Variants in PALM3 observed in about 807,000 individuals in gnomAD.
PALM3 encodes paralemmin-3.
PALM3 carries 20 observed loss-of-function variants against 27.9 expected under a neutral mutation model. The ratio of observed to expected loss-of-function variants is 0.72; its 90% confidence interval spans 0.50 to 1.04. PALM3 has a LOEUF of 1.04. Ranked by LOEUF, PALM3 falls within the 50% of genes least tolerant of loss-of-function variation. The pLI is 0.00. For missense variants in PALM3, 814 were observed against 869.4 expected, an observed-to-expected ratio of 0.94 and a Z score of 0.80; for synonymous variants, 328 against 352.7, an observed-to-expected ratio of 0.93 and a Z score of 0.79.
chr19:14,057,477 C>T (rs1176597490), intron 2 of PALM3, 46 bp from the exon 3 acceptor site: 1 of 1,440,322 alleles, frequency 6.9e-7, no homozygotes, highest in South Asian at 1.3e-5. Context: ...GGCGCGGCCT[C>T]CACCACCTCC....
intron 4 of PALM3, 66 bp from the exon 5 acceptor site, chr19:14,056,579 A>G (rs1026497529): frequency 1.3e-6 from 2 of 1,550,242 alleles, no homozygotes; most frequent in East Asian, 2.4e-5. Context: ...GACTCAAGCG[A>G]CCACCTCCTT....
intron 4 of PALM3, 38 bp downstream of exon 4, chr19:14,056,624 G>A (rs556972391): frequency 1.3e-6 from 2 of 1,551,714 alleles, no homozygotes; most frequent in South Asian, 2.4e-5. Context: ...CACCCAGCTG[G>A]GGCAGGGTTC....
intron 3 of PALM3, 68 bp downstream of exon 3, chr19:14,057,283 A>C: frequency 1.3e-4 from 131 of 972,590 alleles, no homozygotes; most frequent in Non-Finnish European, 1.6e-4. Context: ...TCGTCCCCCA[A>C]ACCGACTTGC....
In PALM3 at chr19:14,053,418, A is replaced by C. The variant is rs1976218725; in HGVS notation, c.*187T>G. 2 of 536,272 alleles carry C rather than the reference A, an allele frequency of 3.7e-6. No homozygotes were observed. The highest frequency in any genetic ancestry group is 6.1e-6 in the Non-Finnish European group (2 of 325,492). 33.2% of individuals were successfully genotyped at this position (536,272 alleles called of 1,614,324 possible). A position where few individuals can be genotyped will look rare whatever the true frequency, so the allele number is the denominator to read the frequency against. ...AGTATAAAGGCTTCATCGCAGAAGG[A>C]GGCCAGGGTTACAGGCAGTGGGCAA... On this transcript the variant is annotated 3_prime_UTR_variant, in exon 7 of 7. Transcript: ENST00000669674.
chr19:14,053,509 C>G lies in PALM3; in HGVS notation c.*96G>C. 1 of 1,371,220 alleles carries G rather than the reference C, an allele frequency of 7.3e-7. No homozygotes were observed. Among genetic ancestry groups the G allele is most frequent in the Non-Finnish European group, 9.6e-7 (1 of 1,046,088 alleles). The allele number at this position is 1,371,220 out of a possible 1,614,324, so 84.9% of individuals were successfully genotyped here. On this transcript the variant is annotated 3_prime_UTR_variant, in exon 7 of 7. Coordinates refer to ENST00000669674, the MANE Select transcript of PALM3 (RefSeq NM_001145028.2). Reference sequence around the variant, plus strand: ...CTGGCTCCCAGGTGCCATGGCCAGTCCTGTGGTCCCTGTCTGTGCCTGGGA... The same window carrying G: ...CTGGCTCCCAGGTGCCATGGCCAGTGCTGTGGTCCCTGTCTGTGCCTGGGA...
chr19:14,056,353 C>T, intron 5 of PALM3, 76 bp downstream of exon 5: 1 of 1,400,568 alleles, frequency 7.1e-7, no homozygotes. Flanking sequence ...GAGAAAGCTG[C>T]ATTCCTGATT....
chr19:14,054,493 C>T lies in PALM3; in HGVS notation c.1179G>A (p.Gly393=). 1 of 1,551,240 alleles carries T rather than the reference C, an allele frequency of 6.4e-7. No individual in the cohort carries two copies. Residue 393 remains glycine, a synonymous_variant, in exon 7 of 7, where the codon GGG becomes GGA. Coordinates refer to ENST00000669674, the MANE Select transcript of PALM3 (RefSeq NM_001145028.2). ...CTCCTCCCGTCTTGGCCCCCTCGGC[C>T]CCCAGCGGGCTTTCATCTCCTCTCT... is the stretch of plus-strand genomic sequence containing the variant. The part of the protein sequence containing the change: ...GRERGDESPL[G]AEGAKTGGGE...
In PALM3 at chr19:14,053,962, C is replaced by A. The variant is rs936356278; in HGVS notation, c.1710G>T (p.Met570Ile). 1.2e-5 allele frequency: 18 copies of A among 1,551,584 alleles called. No individual in the cohort carries two copies. The Admixed American group carries it at 3.3e-4, about 29-fold the overall frequency. Residue 570 changes from methionine to isoleucine, a missense_variant, in exon 7 of 7, where the codon ATG (methionine) becomes ATT (isoleucine). Transcript: ENST00000669674. ...CCTCAAGGGGAGGCCCTGCCTCATT[C>A]ATCTCCTCTGCCTGGGATTCACTTC... ...REGSESQAEE[M>I]NEAGPPLEAN...
chr19:14,059,815 C>G (rs2145707047), intron 1 of PALM3, among the ~76,000 whole-genome samples: 1 of 152,166 alleles, frequency 6.6e-6, no homozygotes, highest in Admixed American at 6.5e-5. Context: ...TCCCTGGGGA[C>G]AAGGATCACT....
In PALM3 at chr19:14,053,459, A is replaced by T; in HGVS notation, c.*146T>A. ...CAGTGGGCAAGGGGTCTGGAAGCCC[A>T]GGTTTAGGTGGACGTGCAGGCTAGC... On this transcript the variant is annotated 3_prime_UTR_variant, in exon 7 of 7. Transcript: ENST00000669674. The T allele has an allele frequency of 1.1e-6, 1 of 905,298 alleles. No homozygotes were observed. Among genetic ancestry groups the T allele is most frequent in the Non-Finnish European group, 1.6e-6 (1 of 644,772 alleles). 56.1% of individuals were successfully genotyped at this position (905,298 alleles called of 1,614,324 possible).
Position 14,055,438 on chromosome 19 carries a change from C to T in PALM3, c.400-13G>A, listed in dbSNP as rs367945689. ...GAGGACGGTGACCCTGCAGAGATGG[C>T]GGAGACAAGGTCAGGCTGGCCCTCA... On this transcript the variant is annotated splice_polypyrimidine_tract_variant and intron_variant, in intron 5 of 6. Coordinates refer to ENST00000669674, the MANE Select transcript of PALM3 (RefSeq NM_001145028.2). 57 of 1,551,290 alleles carry T rather than the reference C, an allele frequency of 3.7e-5. No individual in the cohort carries two copies. Among genetic ancestry groups the T allele is most frequent in the East Asian group, 2.9e-4 (12 of 40,906 alleles).
intron 3 of PALM3, 197 bp from the exon 4 acceptor site, chr19:14,057,001 C>G (rs1976317530): frequency 4.8e-6 from 3 of 629,492 alleles, no homozygotes; most frequent in Non-Finnish European, 8.1e-6. Flanking sequence ...CCAAACCCTT[C>G]CAAAATGAAA....
rs1233198789 is a variant in PALM3, at chr19:14,057,380, C to T, written c.142G>A (p.Glu48Lys). Residue 48 changes from glutamate (E) to lysine (K), a missense_variant, in exon 3 of 7, where the codon GAG (glutamate) becomes AAG (lysine). By Grantham distance (56) the Glu-to-Lys change is moderately conservative (BLOSUM62 1). Transcript: ENST00000669674. ...AGACGCTCCACGCGGAGTTTCTCCT[C>T]CTCCACCTCCCGGCGCGCGGCGCGG... is the stretch of plus-strand genomic sequence containing the variant. ...EIRAARREVEEEKLRVERLKR... is the reference protein window; with the variant it reads ...EIRAARREVEKEKLRVERLKR... 4 of 1,545,482 alleles carry T rather than the reference C, an allele frequency of 2.6e-6. No individual in the cohort carries two copies. Among genetic ancestry groups the T allele is most frequent in the South Asian group, 1.2e-5 (1 of 83,892 alleles).
chr19:14,054,279 C>T lies in PALM3; in HGVS notation c.1393G>A (p.Gly465Ser), dbSNP rs1183606169. The change falls in exon 7 of 7, where the codon GGT becomes AGT. Residue 465 changes from glycine to serine, a missense_variant. Transcript: ENST00000669674. ...AEKLGTEREG[G>S]EEPLGIERKV... ...CTCTCTATGCCCAGTGGTTCCTCAC[C>T]TCCTTCCCTCTCTGTTCCCAGCTTT... 2 of 1,552,210 alleles carry T rather than the reference C, an allele frequency of 1.3e-6. No individual in the cohort carries two copies. The highest frequency in any genetic ancestry group is 1.2e-5 in the South Asian group (1 of 84,060).
At chr19:14,057,306 C>G (rs373303146) in intron 3 of PALM3, 45 bp downstream of exon 3, 3 of 1,455,982 alleles carry the variant, frequency 2.1e-6, no homozygotes, top group African/African-American at 1.4e-5. Context: ...AGACACCCCC[C>G]ACTCCATTCC....
chr19:14,056,745 G>C lies in PALM3; in HGVS notation c.231C>G (p.Ser77=). ...MDGAAAVPEP[S]EDPTSKDPQS... ...GGGGGTCCTTCGAGGTGGGGTCTTC[G>C]GATGGCTCTGGCACTGCAGCTGCCC... is the stretch of plus-strand genomic sequence containing the variant. The change falls in exon 4 of 7, where the codon TCC becomes TCG. Residue 77 remains serine, a synonymous_variant. Coordinates refer to ENST00000669674, the MANE Select transcript of PALM3 (RefSeq NM_001145028.2). 6.4e-7 allele frequency: 1 copy of C among 1,551,624 alleles called. No individual in the cohort carries two copies. The highest frequency in any genetic ancestry group is 8.7e-7 in the Non-Finnish European group (1 of 1,146,950).
rs1976228939 is a variant in PALM3 at position 14,053,714 on chromosome 19, G to C, written c.1958C>G (p.Pro653Arg). ...EGPSANPSAH[P>R]VPTYAPARQP... ...CCGGGCAGGCGCGTAGGTGGGCACAGGGTGGGCACTGGGGTTGGCGCTGGG... is the reference window on the plus strand; with the variant it reads ...CCGGGCAGGCGCGTAGGTGGGCACACGGTGGGCACTGGGGTTGGCGCTGGG... Residue 653 changes from proline to arginine, a missense_variant, in exon 7 of 7, where the codon CCT becomes CGT. Pro to Arg is a moderately radical substitution (Grantham distance 103). Coordinates refer to ENST00000669674, the MANE Select transcript of PALM3 (RefSeq NM_001145028.2). The C allele has an allele frequency of 7.9e-6, 12 of 1,518,236 alleles. No individual in the cohort carries two copies. Among genetic ancestry groups the C allele is most frequent in the Non-Finnish European group, 1.1e-5 (12 of 1,132,454 alleles). 94.0% of individuals were successfully genotyped at this position (1,518,236 alleles called of 1,614,324 possible). A position where few individuals can be genotyped will look rare whatever the true frequency, so the allele number is the denominator to read the frequency against.
Position 14,056,486 on chromosome 19 carries a change from T to C in PALM3, c.342A>G (p.Gln114=). The C allele has an allele frequency of 6.4e-7, 1 of 1,551,660 alleles. No homozygotes were observed. The highest frequency in any genetic ancestry group is 8.7e-7 in the Non-Finnish European group (1 of 1,146,964). ...FTLQSQLQLL[Q]SASTGAQHKP... The stretch of plus-strand genomic sequence containing the variant: ...TGTGCTGGGCACCTGTGGAAGCACT[T>C]TGCAACAGTTGCAGCTGGGACTGGA... Residue 114 remains glutamine, a synonymous_variant, in exon 5 of 7, where the codon CAA becomes CAG. Transcript: ENST00000669674.
At position 14,054,020 on chromosome 19, in the gene PALM3, C is replaced by T; in HGVS notation, c.1652G>A (p.Gly551Glu). The T allele has an allele frequency of 6.4e-7, 1 of 1,551,736 alleles. No individual in the cohort carries two copies. Among genetic ancestry groups the T allele is most frequent in the Non-Finnish European group, 8.7e-7 (1 of 1,146,994 alleles). Reference sequence around the variant, plus strand: ...AGACCCTTGTTCTAGATTCAGATCTCCCTCCGTCCCTTGGGTCTTCTCTGT... The same window carrying T: ...AGACCCTTGTTCTAGATTCAGATCTTCCTCCGTCCCTTGGGTCTTCTCTGT... Reference protein sequence around the residue: ...LETEKTQGTEGDLNLEQGSRE... With the variant: ...LETEKTQGTEEDLNLEQGSRE... Residue 551 changes from glycine (G) to glutamate (E), a missense_variant, in exon 7 of 7, where the codon GGA becomes GAA. Coordinates refer to ENST00000669674, the MANE Select transcript of PALM3 (RefSeq NM_001145028.2).
Sources: gnomAD v4.1 joint callset for allele counts (sites outside exome capture counted in the v4.1 genomes callset) on GRCh38, gnomAD v4.1.1 for gene constraint, MANE v1.5 for transcripts, NCBI Gene and HGNC (gene_info 2026-07-23, HGNC 2026-07-21) for gene names.